Variants in SUPT3H observed in about 807,000 individuals in gnomAD.
The protein encoded by SUPT3H is SPT3 homolog, SAGA and STAGA complex component.
SUPT3H carries 44 observed loss-of-function variants against 44.3 expected under a neutral mutation model. That is an observed-to-expected ratio of 0.99 (90% CI 0.78 to 1.28). The LOEUF is 1.28. SUPT3H is among the 50% of genes most tolerant of loss of function. The probability of loss-of-function intolerance (pLI) is 0.00; values close to 1 mark genes in which losing one functional copy is unlikely to be tolerated. For synonymous variants in SUPT3H, 124 were observed against 125.6 expected, an observed-to-expected ratio of 0.99 and a Z score of 0.09; for missense variants, 380 against 387.1, an observed-to-expected ratio of 0.98 and a Z score of 0.15.
intron 8 of SUPT3H, among the ~76,000 whole-genome samples, chr6:44,953,864 C>T (rs1026888674): frequency 1.3e-5 from 2 of 152,112 alleles, no homozygotes; most frequent in Admixed American, 1.3e-4. Flanking sequence ...TCCTGAGTAG[C>T]TGGGACTACA....
chr6:44,919,198 G>A (rs552587789), intron 10 of SUPT3H, among the ~76,000 whole-genome samples: 1 of 152,096 alleles, frequency 6.6e-6, no homozygotes, highest in African/African-American at 2.4e-5. Flanking sequence ...TGACAGAGAC[G>A]ATAGCTTCTC....
At chr6:44,942,915 C>A (rs1310313353) in intron 9 of SUPT3H, among the ~76,000 whole-genome samples, 1 of 152,048 alleles carries the variant, frequency 6.6e-6, no homozygotes, top group African/African-American at 2.4e-5. Flanking sequence ...ACCACCACCA[C>A]CAATAAAAAC....
At chr6:45,002,296 C>A (rs1413531940) in intron 6 of SUPT3H, among the ~76,000 whole-genome samples, 1 of 151,968 alleles carries the variant, frequency 6.6e-6, no homozygotes, top group African/African-American at 2.4e-5. Context: ...TATTATAGAG[C>A]TACAAAATGT....
intron 2 of SUPT3H, among the ~76,000 whole-genome samples, chr6:45,244,430 T>G (rs377375086): frequency 6.6e-6 from 1 of 152,168 alleles, no homozygotes; most frequent in Non-Finnish European, 1.5e-5. Context: ...TTTTCCCAAA[T>G]AGCTTTAGGA....
chr6:44,951,911 T>C (rs1774379125), intron 9 of SUPT3H, among the ~76,000 whole-genome samples: 1 of 152,184 alleles, frequency 6.6e-6, no homozygotes, highest in Non-Finnish European at 1.5e-5. Flanking sequence ...TGAACAAACA[T>C]CAAAGACATT....
At chr6:45,239,873 C>T (rs1769960199) in intron 2 of SUPT3H, among the ~76,000 whole-genome samples, 1 of 152,138 alleles carries the variant, frequency 6.6e-6, no homozygotes, top group African/African-American at 2.4e-5. Flanking sequence ...AAGGGGGAAA[C>T]AGGGACTATG....
intron 2 of SUPT3H, among the ~76,000 whole-genome samples, chr6:45,187,411 G>A (rs1283000365): frequency 1.8e-4 from 17 of 96,816 alleles, no homozygotes; most frequent in South Asian, 6.4e-4. Flanking sequence ...GCAAAACTCC[G>A]TTTCAAAAAA....
chr6:45,340,842 A>G (rs1789635366), intron 2 of SUPT3H, among the ~76,000 whole-genome samples: 1 of 152,122 alleles, frequency 6.6e-6, no homozygotes, highest in Non-Finnish European at 1.5e-5. Flanking sequence ...TTATAATCAT[A>G]GGCTTTGGTG....
At chr6:44,943,466 A>G (rs893400845) in intron 9 of SUPT3H, among the ~76,000 whole-genome samples, 7 of 152,148 alleles carry the variant, frequency 4.6e-5, no homozygotes, top group Admixed American at 1.3e-4. Context: ...ATCTGAAGAA[A>G]TAACTGCCAA....
At chr6:45,338,496 G>A (rs975967246) in intron 2 of SUPT3H, among the ~76,000 whole-genome samples, 2 of 152,078 alleles carry the variant, frequency 1.3e-5, no homozygotes, top group East Asian at 3.9e-4. Context: ...AAGAAACTTT[G>A]ACAGCTACAA....
intron 1 of SUPT3H, among the ~76,000 whole-genome samples, chr6:45,374,233 C>T (rs771429481): frequency 2.0e-5 from 3 of 152,158 alleles, no homozygotes; most frequent in Admixed American, 6.5e-5. Flanking sequence ...TCTTAGTGCT[C>T]TGTTCACCAA....
At chr6:45,181,366 G>A (rs928600879) in intron 2 of SUPT3H, among the ~76,000 whole-genome samples, 54 of 151,808 alleles carry the variant, frequency 3.6e-4, no homozygotes, top group Non-Finnish European at 5.9e-5. Flanking sequence ...CCATTACTGG[G>A]TATATACCCA....
At chr6:44,816,923 T>C (rs1197117374) in intron 11 of SUPT3H, among the ~76,000 whole-genome samples, 1 of 151,884 alleles carries the variant, frequency 6.6e-6, no homozygotes, top group Non-Finnish European at 1.5e-5. Context: ...ATGCCAGGCA[T>C]GGTGATGTGT....
At chr6:45,376,424 A>C (rs1158419998) in intron 1 of SUPT3H, among the ~76,000 whole-genome samples, 1 of 152,210 alleles carries the variant, frequency 6.6e-6, no homozygotes, top group Non-Finnish European at 1.5e-5. Context: ...TTTAAACGTA[A>C]ATCAATTTAT....
intron 2 of SUPT3H, among the ~76,000 whole-genome samples, chr6:45,188,681 G>A (rs778214435): frequency 1.3e-5 from 2 of 151,766 alleles, no homozygotes; most frequent in South Asian, 2.1e-4. Flanking sequence ...ATATTTATAT[G>A]ATCATATAAA....
At chr6:44,939,838 G>A (rs1198684260) in intron 9 of SUPT3H, among the ~76,000 whole-genome samples, 1 of 152,028 alleles carries the variant, frequency 6.6e-6, no homozygotes, top group Non-Finnish European at 1.5e-5. Flanking sequence ...TACTTTGTGA[G>A]TGTATAGTTG....
chr6:45,329,730 T>A (rs1399603264), intron 2 of SUPT3H, among the ~76,000 whole-genome samples: 1 of 151,916 alleles, frequency 6.6e-6, no homozygotes, highest in Non-Finnish European at 1.5e-5. Flanking sequence ...CATAATCTTG[T>A]CCCTTAATAT....
intron 2 of SUPT3H, chr6:45,361,537 A>T (rs1028882197): frequency 6.6e-6 from 1 of 152,198 alleles, no homozygotes; most frequent in East Asian, 1.9e-4. Context: ...AAATACCTGT[A>T]ATGTCAACTG....
chr6:45,242,224 C>T (rs1013223236), intron 2 of SUPT3H, among the ~76,000 whole-genome samples: 1 of 152,154 alleles, frequency 6.6e-6, no homozygotes, highest in Non-Finnish European at 1.5e-5. Flanking sequence ...TCCAGCCTTT[C>T]GTGTGTAGGT....
Sources: allele counts gnomAD v4.1 joint callset (sites outside exome capture counted in the v4.1 genomes callset), GRCh38; gene constraint gnomAD v4.1.1; transcripts MANE v1.5; gene names NCBI Gene and HGNC (gene_info 2026-07-23, HGNC 2026-07-21).